The following SOX5 variants were observed in gnomAD, a reference collection of about 807,000 sequenced individuals.
The protein encoded by SOX5 is transcription factor SOX-5.
Under a neutral mutation model 92.0 loss-of-function variants are expected in SOX5, and 9 were observed. The observed-to-expected ratio is 0.10, with a 90% confidence interval of 0.06 to 0.17. The LOEUF (loss-of-function observed/expected upper bound fraction) is 0.17, where lower values mean the gene tolerates loss of function less well. SOX5 is among the 10% of genes least tolerant of loss of function. The probability of loss-of-function intolerance (pLI) is 1.00; values close to 1 mark genes in which losing one functional copy is unlikely to be tolerated. For synonymous variants in SOX5, 344 were observed against 336.3 expected, an observed-to-expected ratio of 1.02 and a Z score of -0.25; for missense variants, 642 against 944.5, an observed-to-expected ratio of 0.68 and a Z score of 4.20.
intron 4 of SOX5, among the ~76,000 whole-genome samples, chr12:24,133,609 T>C (rs1949854686): frequency 6.6e-6 from 1 of 151,934 alleles, no homozygotes; most frequent in Non-Finnish European, 1.5e-5. Flanking sequence ...GTGGCGGGGA[T>C]GCCAAACAAT....
At chr12:23,579,531 C>A (rs1949752813) in intron 9 of SOX5, among the ~76,000 whole-genome samples, 1 of 152,108 alleles carries the variant, frequency 6.6e-6, no homozygotes, top group South Asian at 2.1e-4. Context: ...ACAAAAATTA[C>A]ACTAGTTTCC....
At chr12:24,384,954 G>A (rs1362945639) in intron 1 of SOX5, among the ~76,000 whole-genome samples, 1 of 152,118 alleles carries the variant, frequency 6.6e-6, no homozygotes, top group African/African-American at 2.4e-5. Context: ...ATCTCATCAT[G>A]TGGGCATTGT....
intron 13 of SOX5, among the ~76,000 whole-genome samples, chr12:23,537,927 C>T (rs1252917885): frequency 2.1e-5 from 3 of 143,358 alleles, no homozygotes; most frequent in Admixed American, 7.2e-5. Flanking sequence ...GTGCTGGCAG[C>T]CCTCAGTAGT....
At chr12:23,744,718 G>T (rs1403763964) in intron 4 of SOX5, among the ~76,000 whole-genome samples, 1 of 152,008 alleles carries the variant, frequency 6.6e-6, no homozygotes, top group Non-Finnish European at 1.5e-5. Context: ...ATTTTTTTGT[G>T]TGTCTTATCC....
chr12:23,559,971 C>A (rs1159002242), intron 11 of SOX5, among the ~76,000 whole-genome samples: 1 of 152,056 alleles, frequency 6.6e-6, no homozygotes, highest in African/African-American at 2.4e-5. Context: ...AGTACAATGG[C>A]GTGATCTCGG....
intron 4 of SOX5, among the ~76,000 whole-genome samples, chr12:23,961,130 T>C (rs1380360477): frequency 6.6e-6 from 1 of 152,194 alleles, no homozygotes; most frequent in Non-Finnish European, 1.5e-5. Flanking sequence ...ATTTTTATTA[T>C]TAAAAAATTA....
intron 3 of SOX5, among the ~76,000 whole-genome samples, chr12:24,249,852 C>T (rs1939669672): frequency 6.6e-6 from 1 of 152,226 alleles, no homozygotes; most frequent in Non-Finnish European, 1.5e-5. Context: ...TTTAAGATCA[C>T]CTTTGTTCTG....
In SOX5 at chr12:24,265,006, C is replaced by T. The variant is rs574367518; in HGVS notation, c.-77+12210G>A. Among the ~76,000 whole-genome samples the T allele has an allele frequency of 6.6e-5, 10 of 152,204 alleles. No individual in the cohort carries two copies. The South Asian group carries it at 1.0e-3, about 16-fold the overall frequency. ...CCCAACTAGGGGAGGCATATCAACC[C>T]GAAAGCCTGCTGTCTCCAGAAGCAG... is the stretch of plus-strand genomic sequence containing the variant. On this transcript the variant is annotated intron_variant, in intron 3 of 4. Coordinates refer to the SOX5 transcript ENST00000446891.
At position 23,536,333 on chromosome 12, in the gene SOX5, A is replaced by ATACT. The variant is rs1940443192; in HGVS notation, c.1988+116_1988+119dup. 4 of 774,046 alleles carry ATACT rather than the reference A, an allele frequency of 5.2e-6. No individual in the cohort carries two copies. The East Asian group carries it at 1.1e-4, about 21-fold the overall frequency. The allele number at this position is 774,046 out of a possible 1,614,324, so 47.9% of individuals were successfully genotyped here. ...TGTGGGAGACTATTTGTCTCTGAAA[A>ATACT]TACTGTGAGCTCAGATTCTTTTTCA... On this transcript the variant is annotated intron_variant, in intron 14 of 14. Transcript: ENST00000451604.
At chr12:24,098,719 ACTCT>A (rs772508536) in intron 4 of SOX5, among the ~76,000 whole-genome samples, 1 of 151,788 alleles carries the variant, frequency 6.6e-6, no homozygotes, top group South Asian at 2.1e-4. Context: ...GCTTCTCCAG[ACTCT>A]CTCTCTTCCA....
intron 1 of SOX5, among the ~76,000 whole-genome samples, chr12:24,488,966 A>G (rs1946788769): frequency 6.6e-6 from 1 of 152,224 alleles, no homozygotes; most frequent in African/African-American, 2.4e-5. Flanking sequence ...ATGATGTCCC[A>G]GAAAACTATA....
chr12:24,273,787 C>T (rs1255883118), intron 3 of SOX5, among the ~76,000 whole-genome samples: 2 of 151,920 alleles, frequency 1.3e-5, no homozygotes, highest in African/African-American at 4.8e-5. Context: ...TAAATTTTTG[C>T]CCTTTGCTTT....
At chr12:23,642,180 C>G (rs150093956) in intron 7 of SOX5, among the ~76,000 whole-genome samples, 11 of 151,908 alleles carry the variant, frequency 7.2e-5, no homozygotes, top group African/African-American at 2.2e-4. Flanking sequence ...TGTTTGTGTG[C>G]GTGTCTGAGC....
chr12:23,949,295 G>A (rs1569212427), intron 1 of SOX5, among the ~76,000 whole-genome samples: 1 of 151,932 alleles, frequency 6.6e-6, no homozygotes, highest in African/African-American at 2.4e-5. Flanking sequence ...AGCGAGTTGG[G>A]GAGAGAGAGA....
At chr12:24,485,465 C>A (rs963875935) in intron 1 of SOX5, among the ~76,000 whole-genome samples, 1 of 152,118 alleles carries the variant, frequency 6.6e-6, no homozygotes, top group Admixed American at 6.6e-5. Context: ...TAGTGATGTA[C>A]GGGAAAATGA....
chr12:23,777,877 C>T (rs1185920494), intron 3 of SOX5, among the ~76,000 whole-genome samples: 1 of 152,204 alleles, frequency 6.6e-6, no homozygotes, highest in Non-Finnish European at 1.5e-5. Context: ...GATGAGATTG[C>T]TATTCCCTTA....
intron 1 of SOX5, among the ~76,000 whole-genome samples, chr12:23,929,083 T>C (rs1036214901): frequency 6.6e-6 from 1 of 151,864 alleles, no homozygotes; most frequent in African/African-American, 2.4e-5. Flanking sequence ...ATGAAAGCCA[T>C]AGCAGTATTA....
intron 4 of SOX5, among the ~76,000 whole-genome samples, chr12:24,181,079 G>C (rs1280362269): frequency 6.6e-6 from 1 of 152,162 alleles, no homozygotes; most frequent in Non-Finnish European, 1.5e-5. Flanking sequence ...CTCATCTAAA[G>C]AGCAAGATAT....
chr12:24,451,452 C>T (rs1215371820), intron 1 of SOX5, among the ~76,000 whole-genome samples: 1 of 152,134 alleles, frequency 6.6e-6, no homozygotes, highest in Non-Finnish European at 1.5e-5. Context: ...ACATCCTTGC[C>T]AGCATTATTT....
Sources: allele counts gnomAD v4.1 joint callset (sites outside exome capture counted in the v4.1 genomes callset), GRCh38; gene constraint gnomAD v4.1.1; transcripts MANE v1.5; gene names NCBI Gene and HGNC (gene_info 2026-07-23, HGNC 2026-07-21).